IMPDH2: variants seen among roughly 807,000 people sequenced by gnomAD.
The protein encoded by IMPDH2 is inosine-5'-monophosphate dehydrogenase 2.
In IMPDH2, 33 loss-of-function variants were observed where a neutral mutation model predicts 57.8. The ratio of observed to expected loss-of-function variants is 0.57; its 90% CI spans 0.43 to 0.76. The LOEUF (loss-of-function observed/expected upper bound fraction) is 0.76, where lower values mean the gene tolerates loss of function less well. IMPDH2 is among the 30% of genes least tolerant of loss of function. The probability of loss-of-function intolerance (pLI) is 0.00; values close to 1 mark genes in which losing one functional copy is unlikely to be tolerated. For missense variants in IMPDH2, 446 were observed against 659.1 expected (o/e 0.68, Z 3.54); for synonymous variants, 270 against 241.3 (o/e 1.12, Z -1.10).
In IMPDH2 at chr3:49,027,729, T is replaced by C. The variant is rs912929177; in HGVS notation, c.512A>G (p.His171Arg). The part of the protein sequence containing the change: ...RDIDFLKEEE[H>R]DCFLEEIMTK... Reference sequence around the variant, plus strand: ...ACCCACCTCTTCCAAGAAACAGTCATGTTCCTCCTCTTTGAGAAAATCAAT... The same window carrying C: ...ACCCACCTCTTCCAAGAAACAGTCACGTTCCTCCTCTTTGAGAAAATCAAT... The change falls in exon 5 of 14, where the codon CAT becomes CGT. Residue 171 changes from histidine (H) to arginine (R), a missense_variant. His to Arg is a conservative substitution (Grantham distance 29). Coordinates refer to ENST00000326739, the MANE Select transcript of IMPDH2 (RefSeq NM_000884.3). The C allele has an allele frequency of 2.0e-5, 32 of 1,614,076 alleles. No individual in the cohort carries two copies. In the Admixed American group the frequency reaches 4.7e-4, roughly 24 times the overall value.
At chr3:49,025,391 AG>A (rs754226462) in intron 9 of IMPDH2, 122 bp from the exon 10 acceptor site, 1 of 1,036,758 alleles carries the variant, frequency 9.6e-7, no homozygotes, top group Non-Finnish European at 1.5e-6. Context: ...AGCTTGGCTG[AG>A]GAACAGACGT....
rs377408277 is a variant in IMPDH2 at position 49,024,934 on chromosome 3, G to A, written c.1257C>T (p.Ala419=). 4 of 1,614,090 alleles carry A rather than the reference G, an allele frequency of 2.5e-6. No homozygotes were observed. Among genetic ancestry groups the A allele is most frequent in the African/African-American group, 1.3e-5 (1 of 74,924 alleles). Residue 419 remains alanine, a synonymous_variant, in exon 11 of 14, where the codon GCC becomes GCT. Coordinates refer to ENST00000326739, the MANE Select transcript of IMPDH2 (RefSeq NM_000884.3). ...KKYRGMGSLD[A]MDKHLSSQNR... Reference sequence around the variant, plus strand: ...TCTGGCTGCTGAGGTGCTTGTCCATGGCATCGAGAGAACCCATACCGCGAT... The same window carrying A: ...TCTGGCTGCTGAGGTGCTTGTCCATAGCATCGAGAGAACCCATACCGCGAT...
chr3:49,027,987 G>A, intron 4 of IMPDH2, 71 bp from the exon 5 acceptor site: 1 of 1,192,014 alleles, frequency 8.4e-7, no homozygotes, highest in Non-Finnish European at 1.2e-6. Context: ...TCTGAAGCAT[G>A]GGGTCTCTGC....
chr3:49,028,558 T>C lies in IMPDH2; in HGVS notation c.148-26A>G, dbSNP rs544503366. The C allele has an allele frequency of 2.5e-6, 4 of 1,574,382 alleles. No homozygotes were observed. In the East Asian group the frequency reaches 9.0e-5, roughly 35 times the overall value. The stretch of plus-strand genomic sequence containing the variant: ...CTGAGGAGACAAACGTCAACCAGTG[T>C]GGGAAAGCATCCCTTACACCTCAAG... On this transcript the variant is annotated intron_variant, in intron 2 of 13. Coordinates refer to ENST00000326739, the MANE Select transcript of IMPDH2 (RefSeq NM_000884.3).
intron 9 of IMPDH2, 133 bp from the exon 10 acceptor site, chr3:49,025,402 T>C (rs1346262906): frequency 1.1e-6 from 1 of 914,304 alleles, no homozygotes; most frequent in Non-Finnish European, 1.7e-6. Context: ...GGAACAGACG[T>C]GTCTGGGATG....
At position 49,027,863 on chromosome 3, in the gene IMPDH2, G is replaced by A. The variant is rs1345228439; in HGVS notation, c.378C>T (p.Arg126=). The change falls in exon 5 of 14, where the codon CGC becomes CGT. Residue 126 remains arginine (R), a synonymous_variant. Coordinates refer to ENST00000326739, the MANE Select transcript of IMPDH2 (RefSeq NM_000884.3). The part of the protein sequence containing the change: ...TDPVVLSPKD[R]VRDVFEAKAR... The stretch of plus-strand genomic sequence containing the variant: ...CCTTGGCCTCAAAAACATCCCGCAC[G>A]CGATCCTTGGGGCTGAGGACCACAG... 5.6e-6 allele frequency: 9 copies of A among 1,614,176 alleles called. No homozygotes were observed. Among genetic ancestry groups the A allele is most frequent in the Non-Finnish European group, 6.8e-6 (8 of 1,180,014 alleles).
chr3:49,027,701 G>A lies in IMPDH2; in HGVS notation c.531+9C>T. The A allele has an allele frequency of 6.2e-7, 1 of 1,612,408 alleles. No individual in the cohort carries two copies. The highest frequency in any genetic ancestry group is 8.5e-7 in the Non-Finnish European group (1 of 1,178,442). Reference sequence around the variant, plus strand: ...TAGAGCTTGGATCTACTCTGCCAGTGGCACCCACCTCTTCCAAGAAACAGT... The same window carrying A: ...TAGAGCTTGGATCTACTCTGCCAGTAGCACCCACCTCTTCCAAGAAACAGT... On this transcript the variant is annotated intron_variant, in intron 5 of 13. Transcript: ENST00000326739.
intron 5 of IMPDH2, among the ~76,000 whole-genome samples, chr3:49,027,482 C>T (rs1164010296): frequency 2.0e-5 from 3 of 152,194 alleles, no homozygotes; most frequent in African/African-American, 7.2e-5. Flanking sequence ...AGCACTGCCC[C>T]TACCTTAGGG....
rs2093211620 is a variant in IMPDH2, at chr3:49,028,874, T to G, written c.99-68A>C. ...AGGGCAGCATGAGACTCCATCCCCA[T>G]GTACCAATCAACCCGTAACGCATGT... On this transcript the variant is annotated intron_variant, in intron 1 of 13. Transcript: ENST00000326739. The G allele has an allele frequency of 4.8e-6, 6 of 1,246,056 alleles. No individual in the cohort carries two copies. The Middle Eastern group carries it at 5.6e-4, about 117-fold the overall frequency. 77.2% of individuals were successfully genotyped at this position (1,246,056 alleles called of 1,614,324 possible). A position where few individuals can be genotyped will look rare whatever the true frequency, so the allele number is the denominator to read the frequency against.
In IMPDH2 at chr3:49,029,398, G is replaced by C. The variant is rs370333374; in HGVS notation, c.-48C>G. ...GTGTCTCCGAGGACCGCGCCGCAGAGACCTCTGCCGTCTGGGCCGCGCCAA... is the reference window on the plus strand; with the variant it reads ...GTGTCTCCGAGGACCGCGCCGCAGACACCTCTGCCGTCTGGGCCGCGCCAA... On this transcript the variant is annotated 5_prime_UTR_variant, in exon 1 of 14. Coordinates refer to ENST00000326739, the MANE Select transcript of IMPDH2 (RefSeq NM_000884.3). 1.1e-4 allele frequency: 139 copies of C among 1,292,488 alleles called. No homozygotes were observed. The highest frequency in any genetic ancestry group is 1.5e-4 in the Non-Finnish European group (137 of 912,228). 80.1% of individuals were successfully genotyped at this position (1,292,488 alleles called of 1,614,324 possible).
chr3:49,027,076 G>A (rs1209696669), intron 5 of IMPDH2, 29 bp from the exon 6 acceptor site: 3 of 1,506,364 alleles, frequency 2.0e-6, no homozygotes, highest in Non-Finnish European at 1.8e-6. Context: ...GTGAAGAAGG[G>A]CCAGTCATCG....
Position 49,025,147 on chromosome 3 carries a change from A to G in IMPDH2, c.1129T>C (p.Leu377=). 6.2e-7 allele frequency: 1 copy of G among 1,614,210 alleles called. No homozygotes were observed. Among genetic ancestry groups the G allele is most frequent in the Non-Finnish European group, 8.5e-7 (1 of 1,180,010 alleles). The stretch of plus-strand genomic sequence containing the variant: ...TCACCTGTGGAGGCCCCAAGGGCCA[A>G]GGCTTTCGCAATATGACCCACATTT... ...IQNVGHIAKA[L]ALGASTVMMG... is the part of the protein sequence containing the mutation. Residue 377 remains leucine (L), a synonymous_variant, in exon 10 of 14, where the codon TTG becomes CTG. Transcript: ENST00000326739.
intron 13 of IMPDH2, 37 bp from the exon 14 acceptor site, chr3:49,024,441 G>A (rs779162202): frequency 6.2e-7 from 1 of 1,614,232 alleles, no homozygotes; most frequent in East Asian, 2.2e-5. Context: ...GTGAGGGCAG[G>A]AGAAAGGAGG....
Position 49,029,374 on chromosome 3 carries a change from T to C in IMPDH2, c.-24A>G, listed in dbSNP as rs1442955900. 4 of 1,515,364 alleles carry C rather than the reference T, an allele frequency of 2.6e-6. No homozygotes were observed. Among genetic ancestry groups the C allele is most frequent in the Non-Finnish European group, 3.6e-6 (4 of 1,107,804 alleles). The allele number at this position is 1,515,364 out of a possible 1,614,324, so 93.9% of individuals were successfully genotyped here. ...ATGGCCAACACAGGACACCGCCGCGTGTCTCCGAGGACCGCGCCGCAGAGA... is the reference window on the plus strand; with the variant it reads ...ATGGCCAACACAGGACACCGCCGCGCGTCTCCGAGGACCGCGCCGCAGAGA... On this transcript the variant is annotated 5_prime_UTR_variant, in exon 1 of 14. Transcript: ENST00000326739.
Position 49,026,843 on chromosome 3 carries a change from G to T in IMPDH2, c.663C>A (p.Ile221=). The T allele has an allele frequency of 1.2e-6, 2 of 1,614,230 alleles. No individual in the cohort carries two copies. Among genetic ancestry groups the T allele is most frequent in the Non-Finnish European group, 1.7e-6 (2 of 1,180,044 alleles). ...TCTTCTTCAGGTCTGTCCGGGCAAT[G>T]ATGGCCACAAGCTCATCATCTTCAT... The part of the protein sequence containing the change: ...IVNEDDELVA[I]IARTDLKKNR... Residue 221 remains isoleucine, a synonymous_variant, in exon 7 of 14, where the codon ATC becomes ATA. Coordinates refer to ENST00000326739, the MANE Select transcript of IMPDH2 (RefSeq NM_000884.3).
rs72624917 is a variant in IMPDH2 at position 49,024,852 on chromosome 3, G to A, written c.1295+44C>T. On this transcript the variant is annotated intron_variant, in intron 11 of 13. Transcript: ENST00000326739. Reference sequence around the variant, plus strand: ...GCAAGGTCACAGCAGAGATGAGACTGTCAGTGCAGGATTAGGGTGGGGTAA... The same window carrying A: ...GCAAGGTCACAGCAGAGATGAGACTATCAGTGCAGGATTAGGGTGGGGTAA... 7,435 of 1,614,160 alleles carry A rather than the reference G, an allele frequency of 4.6e-3. 22 individuals carry two copies. Among genetic ancestry groups the A allele is most frequent in the Non-Finnish European group, 5.7e-3 (6,674 of 1,179,978 alleles).
chr3:49,026,697 A>G lies in IMPDH2; in HGVS notation c.809T>C (p.Val270Ala). The change falls in exon 7 of 14, where the codon GTA becomes GCA. Residue 270 changes from valine to alanine, a missense_variant. Transcript: ENST00000326739. The stretch of plus-strand genomic sequence containing the variant: ...TGTGTAGCAGCTCACCAAAACCACT[A>G]CATCCACACCAGCCTGGGCGAGCAA... ...LDLLAQAGVDVVVLDSSQGNS... is the reference protein window; with the variant it reads ...LDLLAQAGVDAVVLDSSQGNS... 1 of 1,614,152 alleles carries G rather than the reference A, an allele frequency of 6.2e-7. No individual in the cohort carries two copies. The highest frequency in any genetic ancestry group is 1.7e-5 in the Admixed American group (1 of 60,028).
At chr3:49,028,723 T>G (rs755414397) in intron 2 of IMPDH2, 35 bp downstream of exon 2, 9 of 1,583,342 alleles carry the variant, frequency 5.7e-6, no homozygotes, top group Middle Eastern at 1.7e-4. Context: ...TTAGCTCACC[T>G]TGATGTTCAG....
intron 5 of IMPDH2, 21 bp from the exon 6 acceptor site, chr3:49,027,068 G>A (rs2093202718): frequency 3.9e-6 from 6 of 1,553,858 alleles, no homozygotes; most frequent in Non-Finnish European, 5.3e-6. Flanking sequence ...GGTGAGATGT[G>A]AAGAAGGGCC....
Sources: allele counts gnomAD v4.1 joint callset (sites outside exome capture counted in the v4.1 genomes callset), GRCh38; gene constraint gnomAD v4.1.1; transcripts MANE v1.5; gene names NCBI Gene and HGNC (gene_info 2026-07-23, HGNC 2026-07-21).